NKAIN3: variants seen among roughly 807,000 people sequenced by gnomAD.
NKAIN3 encodes sodium/potassium transporting ATPase interacting 3, also known as sodium/potassium-transporting ATPase subunit beta-1-interacting protein 3.
A neutral mutation model predicts 30.2 loss-of-function variants in NKAIN3; 25 were observed. The ratio of observed to expected loss-of-function variants is 0.83; its 90% CI spans 0.60 to 1.16. NKAIN3 has a LOEUF of 1.16. Among genes scored for constraint, NKAIN3 ranks in the 50% most tolerant of loss-of-function variants. NKAIN3 has a pLI of 0.00. For missense variants in NKAIN3, 225 were observed against 254.1 expected (o/e 0.89, Z 0.78); for synonymous variants, 91 against 89.6 (o/e 1.02, Z -0.09).
chr8:62,902,351 G>A (rs1196064308), intron 4 of NKAIN3, among the ~76,000 whole-genome samples: 2 of 152,164 alleles, frequency 1.3e-5, no homozygotes, highest in East Asian at 1.9e-4. Context: ...AGCTCAAGAT[G>A]GGAATGTGGG....
At chr8:62,660,314 T>C (rs940564669) in intron 3 of NKAIN3, among the ~76,000 whole-genome samples, 2 of 152,204 alleles carry the variant, frequency 1.3e-5, no homozygotes, top group African/African-American at 2.4e-5. Flanking sequence ...TGAAGATGAA[T>C]GTAGAATATC....
intron 1 of NKAIN3, among the ~76,000 whole-genome samples, chr8:62,475,550 A>G (rs1806491386): frequency 6.6e-6 from 1 of 152,218 alleles, no homozygotes; most frequent in Admixed American, 6.5e-5. Flanking sequence ...TTTTACAGCC[A>G]TCACATAAGC....
At chr8:62,392,790 T>G (rs13273382) in intron 1 of NKAIN3, among the ~76,000 whole-genome samples, 63,691 of 151,868 alleles carry the variant, frequency 0.42, 15,620 homozygotes, top group Non-Finnish European at 0.54. Flanking sequence ...TATGGTCTTG[T>G]CATTTTTTAA....
At chr8:62,410,446 A>C (rs886820944) in intron 1 of NKAIN3, among the ~76,000 whole-genome samples, 1 of 152,140 alleles carries the variant, frequency 6.6e-6, no homozygotes, top group Non-Finnish European at 1.5e-5. Context: ...TTTTGGTATA[A>C]TGATCTATTT....
intron 3 of NKAIN3, among the ~76,000 whole-genome samples, chr8:62,693,860 T>A (rs1814063421): frequency 6.6e-6 from 1 of 152,126 alleles, no homozygotes; most frequent in Non-Finnish European, 1.5e-5. Context: ...CAAATGTCAT[T>A]TATACAGAAG....
chr8:62,987,160 C>T (rs1824218279), downstream of NKAIN3, among the ~76,000 whole-genome samples: 2 of 152,070 alleles, frequency 1.3e-5, no homozygotes, highest in African/African-American at 2.4e-5. Flanking sequence ...GCCGAGGTGG[C>T]TGAATCGCTT....
rs1248923644 is a variant in NKAIN3 at position 62,967,210 on chromosome 8, C to T, written c.*1803C>T. 6.6e-6 allele frequency among the ~76,000 whole-genome samples: 1 copy of T among 152,182 alleles called. No homozygotes were observed. Among genetic ancestry groups the T allele is most frequent in the East Asian group, 1.9e-4 (1 of 5,202 alleles). On this transcript the variant is annotated 3_prime_UTR_variant, in exon 7 of 7. Transcript: ENST00000623646. ...AGGGATTTGGTGAACTTGTCCAGAG[C>T]CTGTATCTGTACACAGGGGCAAGAG...
chr8:62,335,821 T>G (rs1815531296), intron 1 of NKAIN3, among the ~76,000 whole-genome samples: 1 of 152,016 alleles, frequency 6.6e-6, no homozygotes, highest in Admixed American at 6.6e-5. Flanking sequence ...ATGGGACCCC[T>G]GTGTATCAAA....
At chr8:62,900,980 C>A (rs1821597970) in intron 4 of NKAIN3, among the ~76,000 whole-genome samples, 1 of 152,132 alleles carries the variant, frequency 6.6e-6, no homozygotes, top group Admixed American at 6.5e-5. Context: ...GATCCCCCAA[C>A]TGTCAGATGG....
intron 4 of NKAIN3, among the ~76,000 whole-genome samples, chr8:62,811,592 T>G (rs1023456323): frequency 2.0e-5 from 3 of 150,056 alleles, no homozygotes; most frequent in African/African-American, 7.4e-5. Context: ...TAATATATCA[T>G]TGTGGTTTTA....
At chr8:62,405,944 A>G (rs148297701) in intron 1 of NKAIN3, among the ~76,000 whole-genome samples, 138 of 152,336 alleles carry the variant, frequency 9.1e-4, no homozygotes, top group Non-Finnish European at 1.7e-3. Context: ...ACAAGTTATT[A>G]CTTGGCTGTA....
At chr8:62,374,244 G>C (rs1817005313) in intron 1 of NKAIN3, among the ~76,000 whole-genome samples, 1 of 152,034 alleles carries the variant, frequency 6.6e-6, no homozygotes, top group South Asian at 2.1e-4. Flanking sequence ...TTTAGTGGCT[G>C]TCTCTGGAGT....
At chr8:62,419,960 T>C (rs1007359122) in intron 1 of NKAIN3, among the ~76,000 whole-genome samples, 3 of 152,236 alleles carry the variant, frequency 2.0e-5, no homozygotes, top group South Asian at 2.1e-4. Flanking sequence ...TTTATGCATA[T>C]CTATAGTGAA....
chr8:62,667,809 T>C (rs752289808), intron 3 of NKAIN3, among the ~76,000 whole-genome samples: 2 of 152,080 alleles, frequency 1.3e-5, no homozygotes, highest in Non-Finnish European at 2.9e-5. Context: ...TCACATGATA[T>C]ACCCTGCCTT....
rs73258708 is a variant in NKAIN3 at position 62,835,951 on chromosome 8, G to A, written c.472-82502G>A. ...GAGTCAACCTAGGCACCCATCAGTG[G>A]TGGATTGGATAAAGACAATGTGGTA... On this transcript the variant is annotated intron_variant, in intron 4 of 6. Coordinates refer to ENST00000623646, the MANE Select transcript of NKAIN3 (RefSeq NM_001304533.3). Among the ~76,000 whole-genome samples the A allele has an allele frequency of 4.8e-4, 73 of 152,060 alleles. No individual in the cohort carries two copies. In the Middle Eastern group the frequency reaches 0.02, roughly 43 times the overall value.
intron 1 of NKAIN3, among the ~76,000 whole-genome samples, chr8:62,423,780 T>C (rs16928902): frequency 0.14 from 20,907 of 152,048 alleles, 1,733 homozygotes; most frequent in East Asian, 0.41. Context: ...ATACCTTTTT[T>C]ATTACTGGCA....
chr8:62,327,746 T>C (rs935127492), intron 1 of NKAIN3, among the ~76,000 whole-genome samples: 5 of 152,140 alleles, frequency 3.3e-5, no homozygotes, highest in African/African-American at 2.4e-5. Context: ...GTTCTTTTTT[T>C]ATCGCGATTG....
At chr8:62,408,995 G>T (rs1293229174) in intron 1 of NKAIN3, among the ~76,000 whole-genome samples, 1 of 151,992 alleles carries the variant, frequency 6.6e-6, no homozygotes, top group Non-Finnish European at 1.5e-5. Flanking sequence ...TAGAAAAATG[G>T]TTTTGAAGAA....
At chr8:62,394,961 G>A (rs1054174021) in intron 1 of NKAIN3, among the ~76,000 whole-genome samples, 4 of 149,890 alleles carry the variant, frequency 2.7e-5, no homozygotes, top group East Asian at 4.0e-4. Context: ...AAGCAGAGGC[G>A]CTCCTCACTT....
Sources: gnomAD v4.1 joint callset for allele counts (sites outside exome capture counted in the v4.1 genomes callset) on GRCh38, gnomAD v4.1.1 for gene constraint, MANE v1.5 for transcripts, NCBI Gene and HGNC (gene_info 2026-07-23, HGNC 2026-07-21) for gene names.